The following DPP10 variants were observed in gnomAD, a reference collection of about 807,000 sequenced individuals.
DPP10 encodes inactive dipeptidyl peptidase 10.
In DPP10, 33 loss-of-function variants were observed where a neutral mutation model predicts 120.9. The observed-to-expected ratio is 0.27, with a 90% CI of 0.21 to 0.37. DPP10 has a LOEUF of 0.37. DPP10 is among the 10% of genes least tolerant of loss of function. The pLI, the probability that DPP10 is intolerant of heterozygous loss-of-function variation, is 1.00. For synonymous variants in DPP10, 337 were observed against 326.1 expected (o/e 1.03, Z -0.36); for missense variants, 816 against 942.8 (o/e 0.87, Z 1.76).
intron 1 of DPP10, among the ~76,000 whole-genome samples, chr2:114,537,870 C>G (rs747877661): frequency 6.6e-6 from 1 of 152,172 alleles, no homozygotes; most frequent in Non-Finnish European, 1.5e-5. Context: ...TGCATGAACA[C>G]AGAAATGCCC....
At chr2:115,032,405 T>C (rs1338102769) in intron 1 of DPP10, among the ~76,000 whole-genome samples, 1 of 152,194 alleles carries the variant, frequency 6.6e-6, no homozygotes, top group Non-Finnish European at 1.5e-5. Context: ...TACAGAGAGA[T>C]TTAAAAGTCT....
intron 2 of DPP10, among the ~76,000 whole-genome samples, chr2:115,339,348 A>G (rs1356394844): frequency 6.6e-6 from 1 of 152,190 alleles, no homozygotes; most frequent in Non-Finnish European, 1.5e-5. Flanking sequence ...TCATTTATAC[A>G]TTGCTGGTGA....
At chr2:115,676,062 A>G (rs1186433467) in intron 5 of DPP10, among the ~76,000 whole-genome samples, 7 of 152,166 alleles carry the variant, frequency 4.6e-5, no homozygotes, top group Admixed American at 4.6e-4. Flanking sequence ...GCTGACATGC[A>G]TATTCCCCAG....
intron 3 of DPP10, among the ~76,000 whole-genome samples, chr2:115,462,392 T>C (rs1344848238): frequency 6.6e-6 from 1 of 152,194 alleles, no homozygotes; most frequent in Non-Finnish European, 1.5e-5. Context: ...AGCAAGGTGA[T>C]CACTACAGTG....
chr2:115,811,119 G>T (rs140689363), intron 19 of DPP10, among the ~76,000 whole-genome samples: 32 of 152,260 alleles, frequency 2.1e-4, no homozygotes, highest in African/African-American at 7.5e-4. Flanking sequence ...GCACATGCCT[G>T]ATTTGTTCCT....
chr2:115,640,518 G>A (rs2086697504), intron 5 of DPP10, among the ~76,000 whole-genome samples: 1 of 151,654 alleles, frequency 6.6e-6, no homozygotes, highest in South Asian at 2.1e-4. Context: ...TAATTTTACA[G>A]TTAATAAGTA....
At chr2:114,678,785 C>A (rs557768371) in intron 1 of DPP10, among the ~76,000 whole-genome samples, 1 of 152,104 alleles carries the variant, frequency 6.6e-6, no homozygotes, top group East Asian at 1.9e-4. Context: ...TTGAGCTAGA[C>A]AATATTAAAA....
intron 5 of DPP10, among the ~76,000 whole-genome samples, chr2:115,680,287 G>A (rs182216412): frequency 6.6e-6 from 1 of 152,030 alleles, no homozygotes; most frequent in East Asian, 1.9e-4. Flanking sequence ...GTTTTAAGTA[G>A]TCAATATTTA....
chr2:114,497,095 A>ATGTGTACATGTACG (rs1682605616), intron 1 of DPP10, among the ~76,000 whole-genome samples: 1 of 149,058 alleles, frequency 6.7e-6, no homozygotes, highest in Non-Finnish European at 1.5e-5. Flanking sequence ...GTACATGTAC[A>ATGTGTACATGTACG]TGTGTACATG....
At chr2:115,540,622 A>T (rs2079120021) in intron 5 of DPP10, among the ~76,000 whole-genome samples, 1 of 151,904 alleles carries the variant, frequency 6.6e-6, no homozygotes, top group South Asian at 2.1e-4. Context: ...ATTCGTGCAT[A>T]ATTTTGCACC....
intron 19 of DPP10, among the ~76,000 whole-genome samples, chr2:115,795,822 C>T (rs2149937286): frequency 6.6e-6 from 1 of 152,236 alleles, no homozygotes; most frequent in South Asian, 2.1e-4. Context: ...CATCAAGCTT[C>T]AGACAAGTCA....
At chr2:115,471,677 C>T (rs1466967551) in intron 3 of DPP10, among the ~76,000 whole-genome samples, 1 of 152,046 alleles carries the variant, frequency 6.6e-6, no homozygotes, top group Non-Finnish European at 1.5e-5. Context: ...GCCTCTACCT[C>T]ACTGGCTCAA....
chr2:115,727,541 A>G (rs2092795254), intron 7 of DPP10, among the ~76,000 whole-genome samples: 1 of 152,178 alleles, frequency 6.6e-6, no homozygotes, highest in South Asian at 2.1e-4. Flanking sequence ...GAGAGAGATT[A>G]TTAAGTAGTT....
At chr2:115,227,526 G>T (rs549156923) in intron 1 of DPP10, among the ~76,000 whole-genome samples, 173 of 152,214 alleles carry the variant, frequency 1.1e-3, no homozygotes, top group African/African-American at 3.9e-3. Flanking sequence ...CCACTATTAG[G>T]ATACAGAATA....
intron 1 of DPP10, among the ~76,000 whole-genome samples, chr2:114,774,656 A>T (rs1485121075): frequency 2.7e-5 from 4 of 148,218 alleles, no homozygotes; most frequent in Non-Finnish European, 3.0e-5. Flanking sequence ...CATAATTATC[A>T]ATAATGATGT....
At chr2:115,520,818 G>A (rs1197217603) in intron 4 of DPP10, among the ~76,000 whole-genome samples, 1 of 152,094 alleles carries the variant, frequency 6.6e-6, no homozygotes, top group Non-Finnish European at 1.5e-5. Context: ...CTGACATCTT[G>A]GAATACCATC....
chr2:114,446,923 G>T (rs1331246887), intron 1 of DPP10, among the ~76,000 whole-genome samples: 9 of 152,074 alleles, frequency 5.9e-5, no homozygotes, highest in South Asian at 2.1e-4. Flanking sequence ...GGAACATGGT[G>T]GTTAGGAAAT....
At chr2:114,766,006 C>T (rs997043521) in intron 1 of DPP10, among the ~76,000 whole-genome samples, 3 of 151,992 alleles carry the variant, frequency 2.0e-5, no homozygotes, top group African/African-American at 4.8e-5. Flanking sequence ...ATATGTAAAC[C>T]ACCATGAGTG....
chr2:114,737,423 C>T (rs1677556347), intron 1 of DPP10, among the ~76,000 whole-genome samples: 1 of 152,192 alleles, frequency 6.6e-6, no homozygotes, highest in Non-Finnish European at 1.5e-5. Context: ...AAAAGGCTAA[C>T]ATTTCTGCAG....
Sources: gnomAD v4.1 joint callset for allele counts (sites outside exome capture counted in the v4.1 genomes callset) on GRCh38, gnomAD v4.1.1 for gene constraint, MANE v1.5 for transcripts, NCBI Gene and HGNC (gene_info 2026-07-23, HGNC 2026-07-21) for gene names.